Variants in SGSM2 observed in about 807,000 individuals in gnomAD.
SGSM2 encodes RUN and TBC1 domain containing 1.
Under a neutral mutation model 126.6 loss-of-function variants are expected in SGSM2, and 89 were observed. That is an observed-to-expected ratio of 0.70 (90% confidence interval 0.59 to 0.84). SGSM2 has a LOEUF of 0.84. Among genes scored for constraint, SGSM2 ranks in the 40% least tolerant of loss-of-function variants. The pLI is 0.00. For synonymous variants in SGSM2, 614 were observed against 574.3 expected (o/e 1.07, Z -0.99); for missense variants, 1,404 against 1,416.6 (o/e 0.99, Z 0.14).
At chr17:2,364,001 C>T (rs2065441330) in intron 7 of SGSM2, 58 bp from the exon 8 acceptor site, 1 of 1,610,802 alleles carries the variant, frequency 6.2e-7, no homozygotes, top group African/African-American at 1.3e-5. Context: ...TTCTCATAGG[C>T]CATCCCTGAG....
At chr17:2,342,452 A>G (rs2064413521) in intron 1 of SGSM2, among the ~76,000 whole-genome samples, 1 of 151,818 alleles carries the variant, frequency 6.6e-6, no homozygotes. Context: ...AAAGTATAAA[A>G]ACCCACAAAA....
chr17:2,375,395 A>G, intron 17 of SGSM2, 97 bp from the exon 18 acceptor site: 1 of 1,446,322 alleles, frequency 6.9e-7, no homozygotes. Flanking sequence ...GGGGGTGTGA[A>G]GAGTTTTGCA....
chr17:2,364,013 G>A, intron 7 of SGSM2, 46 bp from the exon 8 acceptor site: 1 of 1,613,440 alleles, frequency 6.2e-7, no homozygotes, highest in Non-Finnish European at 8.5e-7. Context: ...ATCCCTGAGA[G>A]CCTCTCAGCC....
intron 18 of SGSM2, 62 bp from the exon 19 acceptor site, chr17:2,376,075 T>C (rs1014952516): frequency 4.3e-6 from 7 of 1,609,588 alleles, no homozygotes; most frequent in East Asian, 4.5e-5. Flanking sequence ...GGGCGTCACC[T>C]CCTGCCCCCA....
rs1008824028 is a variant in SGSM2, at chr17:2,363,810, G to A, written c.807+211G>A. ...GGCAGCCAGCAGGCGAGGGGAGTCC[G>A]CAGTGTGGGTATGGCTGGCCTGGAA... On this transcript the variant is annotated intron_variant, in intron 7 of 23. Coordinates refer to ENST00000268989, the MANE Select transcript of SGSM2 (RefSeq NM_014853.3). The surrounding 1 kb of genome is among the most constrained non-coding windows in gnomAD (Gnocchi z 4.2). 4.2e-5 allele frequency: 35 copies of A among 832,268 alleles called. No individual in the cohort carries two copies. Among genetic ancestry groups the A allele is most frequent in the African/African-American group, 1.0e-4 (6 of 58,432 alleles). 51.6% of individuals were successfully genotyped at this position (832,268 alleles called of 1,614,324 possible). A position where few individuals can be genotyped will look rare whatever the true frequency, so the allele number is the denominator to read the frequency against.
At position 2,369,715 on chromosome 17, in the gene SGSM2, C is replaced by T. The variant is rs55890621; in HGVS notation, c.1424-1547C>T. ...ACCCCTGTTGCCCTCCCTGCCTGCC[C>T]GCCTGTTGCCTGCTGCCTGCCTGGC... On this transcript the variant is annotated intron_variant, in intron 12 of 23. Coordinates refer to ENST00000268989, the MANE Select transcript of SGSM2 (RefSeq NM_014853.3). 7.1e-3 allele frequency among the ~76,000 whole-genome samples: 1,078 copies of T among 152,010 alleles called. 14 individuals are homozygous for T. The highest frequency in any genetic ancestry group is 0.024 in the African/African-American group (996 of 41,418).
chr17:2,362,813 A>C lies in SGSM2; in HGVS notation c.459-25A>C. On this transcript the variant is annotated intron_variant, in intron 4 of 23. Transcript: ENST00000268989. This position sits in a 1 kb window ranked among gnomAD's most constrained non-coding sequence, Gnocchi z 4.9. ...CTGGAATGAGCCCCGGAGCCTCGGC[A>C]GTCACACTGTCTGTCTCCTGGCAGC... The C allele has an allele frequency of 6.2e-7, 1 of 1,613,280 alleles. No homozygotes were observed. Among genetic ancestry groups the C allele is most frequent in the Non-Finnish European group, 8.5e-7 (1 of 1,179,682 alleles).
chr17:2,357,792 C>T (rs1344245707), intron 2 of SGSM2, among the ~76,000 whole-genome samples: 1 of 152,234 alleles, frequency 6.6e-6, no homozygotes, highest in Non-Finnish European at 1.5e-5. Context: ...CCACCATGCC[C>T]AGCCACTAAA....
Position 2,373,518 on chromosome 17 carries a change from G to A in SGSM2, c.2100+5G>A. On this transcript the variant is annotated splice_donor_5th_base_variant and intron_variant, in intron 17 of 23. Transcript: ENST00000268989. Reference sequence around the variant, plus strand: ...GACTCCACCATCAGCAACGATGTGAGCCAGACGGGACCTGGAGGGTTGGGG... The same window carrying A: ...GACTCCACCATCAGCAACGATGTGAACCAGACGGGACCTGGAGGGTTGGGG... The A allele has an allele frequency of 2.5e-6, 4 of 1,597,786 alleles. No homozygotes were observed. The highest frequency in any genetic ancestry group is 2.2e-5 in the South Asian group (2 of 90,854).
chr17:2,375,930 C>T (rs2066121864), intron 18 of SGSM2, 55 bp downstream of exon 18: 3 of 1,512,268 alleles, frequency 2.0e-6, no homozygotes, highest in Admixed American at 4.3e-5. Context: ...CTCCTGACAT[C>T]CCAGAGCTGG....
intron 17 of SGSM2, 126 bp downstream of exon 17, chr17:2,373,639 C>T: frequency 1.2e-6 from 1 of 806,400 alleles, no homozygotes; most frequent in South Asian, 1.8e-5. Context: ...CCTAAGGTGC[C>T]TGTGTCTCAT....
chr17:2,337,545 G>C lies in SGSM2; in HGVS notation c.-144G>C. The C allele has an allele frequency of 3.6e-6, 1 of 277,608 alleles. No individual in the cohort carries two copies. Among genetic ancestry groups the C allele is most frequent in the Non-Finnish European group, 5.7e-6 (1 of 175,630 alleles). The allele number at this position is 277,608 out of a possible 1,614,324, so 17.2% of individuals were successfully genotyped here. ...GCTGCGGAGCCGAGCACCGGGCAGT[G>C]GCTGCGGCGGCGGCGGCGGCGGCGG... On this transcript the variant is annotated 5_prime_UTR_variant, in exon 1 of 24. Coordinates refer to ENST00000268989, the MANE Select transcript of SGSM2 (RefSeq NM_014853.3). This position sits in a 1 kb window ranked among gnomAD's most constrained non-coding sequence, Gnocchi z 5.1.
intron 2 of SGSM2, among the ~76,000 whole-genome samples, chr17:2,351,756 C>T (rs1335356376): frequency 2.6e-5 from 4 of 152,090 alleles, no homozygotes; most frequent in Non-Finnish European, 4.4e-5. Flanking sequence ...GACGGGGTTT[C>T]GCCATGTTGC....
chr17:2,376,721 C>T lies in SGSM2; in HGVS notation c.2610-12C>T, dbSNP rs373415297. ...GGGGCACAGCCACAGTGACTCTCCCCCTGCCTTTCAGCTACGTGTGGGAGC... is the reference window on the plus strand; with the variant it reads ...GGGGCACAGCCACAGTGACTCTCCCTCTGCCTTTCAGCTACGTGTGGGAGC... On this transcript the variant is annotated splice_polypyrimidine_tract_variant and intron_variant, in intron 19 of 23. Transcript: ENST00000268989. The T allele has an allele frequency of 6.2e-7, 1 of 1,609,130 alleles. No homozygotes were observed. Among genetic ancestry groups the T allele is most frequent in the African/African-American group, 1.3e-5 (1 of 74,870 alleles).
intron 21 of SGSM2, 99 bp from the exon 22 acceptor site, chr17:2,377,758 G>A: frequency 1.3e-6 from 1 of 757,806 alleles, no homozygotes. Context: ...GCCAGGTTGG[G>A]GATCGCCTGC....
chr17:2,345,304 A>G (rs542914316), intron 2 of SGSM2, among the ~76,000 whole-genome samples: 6 of 152,166 alleles, frequency 3.9e-5, no homozygotes, highest in African/African-American at 1.4e-4. Context: ...TCTACTAAAA[A>G]TACAAAAATT....
intron 2 of SGSM2, among the ~76,000 whole-genome samples, chr17:2,360,313 C>T (rs184544453): frequency 6.6e-6 from 1 of 152,276 alleles, no homozygotes; most frequent in Non-Finnish European, 1.5e-5. Flanking sequence ...CACGATTGCA[C>T]TCCAGCCTGG....
chr17:2,377,195 C>A lies in SGSM2; in HGVS notation c.2802+127C>A, dbSNP rs550366337. ...ACTTAACTTCTTTCATTTTAAAAGA[C>A]ATGGTTTCAGCAGGGCAACGTGGCT... On this transcript the variant is annotated intron_variant, in intron 21 of 23. Transcript: ENST00000268989. The A allele has an allele frequency of 4.4e-4, 293 of 664,132 alleles. 3 individuals are homozygous for A. The South Asian group carries it at 5.6e-3, about 13-fold the overall frequency. The allele number at this position is 664,132 out of a possible 1,614,324, so 41.1% of individuals were successfully genotyped here.
At position 2,363,349 on chromosome 17, in the gene SGSM2, G is replaced by T; in HGVS notation, c.673-116G>T. 2 of 1,502,006 alleles carry T rather than the reference G, an allele frequency of 1.3e-6. No homozygotes were observed. The highest frequency in any genetic ancestry group is 2.4e-5 in the South Asian group (2 of 84,018). The allele number at this position is 1,502,006 out of a possible 1,614,324, so 93.0% of individuals were successfully genotyped here. A position where few individuals can be genotyped will look rare whatever the true frequency, so the allele number is the denominator to read the frequency against. ...AGCAGAGGGTGGCTGGGAGTAAACC[G>T]GGGCAGGAAGGACCCCTGGGGTCAG... On this transcript the variant is annotated intron_variant, in intron 6 of 23. Coordinates refer to ENST00000268989, the MANE Select transcript of SGSM2 (RefSeq NM_014853.3). This position sits in a 1 kb window ranked among gnomAD's most constrained non-coding sequence, Gnocchi z 4.2.
Sources: gnomAD v4.1 joint callset for allele counts (sites outside exome capture counted in the v4.1 genomes callset) on GRCh38, gnomAD v4.1.1 for gene constraint, Gnocchi (gnomAD v3.1) non-coding constraint, MANE v1.5 for transcripts, NCBI Gene and HGNC (gene_info 2026-07-23, HGNC 2026-07-21) for gene names.